The following CASZ1 variants were observed in gnomAD, a reference collection of about 807,000 sequenced individuals.
CASZ1 encodes the protein zinc finger protein castor homolog 1.
In CASZ1, 28 loss-of-function variants were observed where a neutral mutation model predicts 135.2. The ratio of observed to expected loss-of-function variants is 0.21; its 90% CI spans 0.15 to 0.28. The LOEUF is 0.28. CASZ1 is among the 10% of genes least tolerant of loss of function. The pLI is 1.00. For missense variants in CASZ1, 2,161 were observed against 2,453.3 expected (o/e 0.88, Z 2.52); for synonymous variants, 1,068 against 1,073.4 (o/e 0.99, Z 0.10).
chr1:10,771,450 A>C (rs1376643140), intron 1 of CASZ1, among the ~76,000 whole-genome samples: 1 of 152,084 alleles, frequency 6.6e-6, no homozygotes, highest in Non-Finnish European at 1.5e-5. Context: ...CTAGTCTATC[A>C]AACAATCAGC....
At position 10,711,485 on chromosome 1, in the gene CASZ1, G is replaced by A. The variant is rs1432869254; in HGVS notation, c.-76-5941C>T. ...ACATAGCAAGTGCTCAATAAATATG[G>A]CCTCTTATTAGTTTCCAGGGTCCCT... On this transcript the variant is annotated intron_variant, in intron 2 of 20. Coordinates refer to ENST00000377022, the MANE Select transcript of CASZ1 (RefSeq NM_001079843.3). This position sits in a 1 kb window ranked among gnomAD's most constrained non-coding sequence, Gnocchi z 4.4. Among the ~76,000 whole-genome samples the A allele has an allele frequency of 1.3e-5, 2 of 151,844 alleles. No individual in the cohort carries two copies. Among genetic ancestry groups the A allele is most frequent in the African/African-American group, 4.8e-5 (2 of 41,318 alleles).
intron 17 of CASZ1, among the ~76,000 whole-genome samples, chr1:10,645,905 G>A (rs529049211): frequency 2.6e-5 from 4 of 152,256 alleles, no homozygotes; most frequent in Non-Finnish European, 4.4e-5. Flanking sequence ...GTCACCACTC[G>A]GGGGTTAGAC....
At chr1:10,686,714 G>T (rs952353472) in intron 4 of CASZ1, among the ~76,000 whole-genome samples, 3 of 152,226 alleles carry the variant, frequency 2.0e-5, no homozygotes, top group Non-Finnish European at 4.4e-5. Context: ...TGGAAACGAG[G>T]AATAAACGGC....
At chr1:10,641,685 G>A (rs973417296) in intron 20 of CASZ1, among the ~76,000 whole-genome samples, 48 of 152,232 alleles carry the variant, frequency 3.2e-4, no homozygotes, top group Non-Finnish European at 4.6e-4. Flanking sequence ...GGACTCCTCA[G>A]AGTAGAAGGG....
chr1:10,732,320 CA>C (rs779997881), intron 2 of CASZ1, among the ~76,000 whole-genome samples: 1,006 of 65,554 alleles, frequency 0.015, 9 homozygotes, highest in African/African-American at 0.042. Context: ...GACTCCGTCT[CA>C]AAAAAAAAAA....
At chr1:10,778,141 G>T (rs956858696) in intron 1 of CASZ1, among the ~76,000 whole-genome samples, 4 of 150,072 alleles carry the variant, frequency 2.7e-5, no homozygotes, top group African/African-American at 9.8e-5. Context: ...TCAAACACAA[G>T]CACAATCTCA....
chr1:10,656,356 A>G (rs1642795559), intron 8 of CASZ1, among the ~76,000 whole-genome samples: 1 of 152,234 alleles, frequency 6.6e-6, no homozygotes, highest in Non-Finnish European at 1.5e-5. Flanking sequence ...GGCAAGGCTC[A>G]TAGGCTGGCT....
At position 10,739,807 on chromosome 1, in the gene CASZ1, C is replaced by G. The variant is rs74052183; in HGVS notation, c.-77+20894G>C. 0.033 allele frequency among the ~76,000 whole-genome samples: 4,982 copies of G among 152,270 alleles called. 292 individuals carry two copies. The highest frequency in any genetic ancestry group is 0.11 in the African/African-American group (4,687 of 41,534). On this transcript the variant is annotated intron_variant, in intron 2 of 20. Transcript: ENST00000377022. The surrounding 1 kb of genome is among the most constrained non-coding windows in gnomAD (Gnocchi z 4.8). ...TAGCACATGCCTTTTGCCACCTCCC[C>G]CACTGGTCCTGGCTCTTCCTTCCCC...
intron 1 of CASZ1, among the ~76,000 whole-genome samples, chr1:10,785,741 G>A (rs753323283): frequency 3.9e-5 from 6 of 152,360 alleles, no homozygotes; most frequent in African/African-American, 4.8e-5. Flanking sequence ...GAGGCTCTGC[G>A]ATGAGCTCAG....
intron 4 of CASZ1, among the ~76,000 whole-genome samples, chr1:10,685,810 C>T (rs1174171951): frequency 6.6e-6 from 1 of 152,234 alleles, no homozygotes; most frequent in Non-Finnish European, 1.5e-5. Context: ...ACCTCGAGGG[C>T]AGGGCAGAGG....
chr1:10,766,274 A>G (rs1452526432), intron 1 of CASZ1, among the ~76,000 whole-genome samples: 2 of 152,168 alleles, frequency 1.3e-5, no homozygotes, highest in African/African-American at 2.4e-5. Flanking sequence ...CACTGTGGTT[A>G]AGCACACAAA....
intron 11 of CASZ1, 174 bp downstream of exon 11, chr1:10,653,203 A>G: frequency 1.4e-6 from 1 of 723,510 alleles, no homozygotes; most frequent in Non-Finnish European, 2.4e-6. Flanking sequence ...CAGGGGCCCC[A>G]CATAGAAACC....
In CASZ1 at chr1:10,639,060, T is replaced by G. The variant is rs1297313930; in HGVS notation, c.5162A>C (p.Glu1721Ala). The part of the protein sequence containing the change: ...DDEDLRTDSE[E>A]SLPEAAAEAA... ...CTCCGCCGCCGCCTCGGGCAGCGAC[T>G]CCTCCGAGTCGGTGCGCAGGTCCTC... The change falls in exon 21 of 21, where the codon GAG (glutamate) becomes GCG (alanine). Residue 1721 changes from glutamate to alanine, a missense_variant. By Grantham distance (107) the Glu-to-Ala change is moderately radical. This residue lies in a region of CASZ1 where 185 missense variants were observed against 134.7 expected (regional missense o/e 1.37). Coordinates refer to ENST00000377022, the MANE Select transcript of CASZ1 (RefSeq NM_001079843.3). This position sits in a 1 kb window ranked among gnomAD's most constrained non-coding sequence, Gnocchi z 4.0. The G allele has an allele frequency of 6.4e-6, 7 of 1,090,144 alleles. No individual in the cohort carries two copies. The highest frequency in any genetic ancestry group is 5.2e-5 in the African/African-American group (3 of 58,072). 67.5% of individuals were successfully genotyped at this position (1,090,144 alleles called of 1,614,324 possible).
At chr1:10,733,531 C>G (rs1315046938) in intron 2 of CASZ1, among the ~76,000 whole-genome samples, 1 of 152,172 alleles carries the variant, frequency 6.6e-6, no homozygotes, top group African/African-American at 2.4e-5. Flanking sequence ...GCAAAAAGGG[C>G]TCCACCCTCA....
At chr1:10,790,788 A>G (rs917731835) in intron 1 of CASZ1, among the ~76,000 whole-genome samples, 1 of 151,870 alleles carries the variant, frequency 6.6e-6, no homozygotes, top group African/African-American at 2.4e-5. Flanking sequence ...TATGCCTGAC[A>G]TTTTAAAAAG....
At chr1:10,770,535 C>T (rs1262051975) in intron 1 of CASZ1, among the ~76,000 whole-genome samples, 1 of 152,102 alleles carries the variant, frequency 6.6e-6, no homozygotes, top group Non-Finnish European at 1.5e-5. Context: ...TGCTGGGGTC[C>T]CAGCCAACTG....
In CASZ1 at chr1:10,739,211, C is replaced by T. The variant is rs373143663; in HGVS notation, c.-77+21490G>A. 1.1e-4 allele frequency among the ~76,000 whole-genome samples: 16 copies of T among 152,214 alleles called. No individual in the cohort carries two copies. Among genetic ancestry groups the T allele is most frequent in the South Asian group, 8.3e-4 (4 of 4,824 alleles). On this transcript the variant is annotated intron_variant, in intron 2 of 20. Coordinates refer to ENST00000377022, the MANE Select transcript of CASZ1 (RefSeq NM_001079843.3). The surrounding 1 kb of genome is among the most constrained non-coding windows in gnomAD (Gnocchi z 4.8). ...GGCCAGTCCCCGGGCGTACAGCGTG[C>T]GGTGCAACCTGCAGCTGCGGGACGG... is the stretch of plus-strand genomic sequence containing the variant.
At chr1:10,743,346 A>G (rs1216635295) in intron 2 of CASZ1, among the ~76,000 whole-genome samples, 3 of 151,548 alleles carry the variant, frequency 2.0e-5, no homozygotes, top group Non-Finnish European at 4.4e-5. Context: ...CCACGGTCGG[A>G]GAAGGAGACT....
chr1:10,704,910 T>C (rs773410843), intron 3 of CASZ1, among the ~76,000 whole-genome samples: 2 of 152,244 alleles, frequency 1.3e-5, no homozygotes, highest in African/African-American at 4.8e-5. Flanking sequence ...ATGCTTGGAC[T>C]TCAGGGGAGC....
Sources: gnomAD v4.1 joint callset for allele counts (sites outside exome capture counted in the v4.1 genomes callset) on GRCh38, gnomAD v4.1.1 for gene constraint, gnomAD v4.1.1 regional missense constraint, Gnocchi (gnomAD v3.1) non-coding constraint, MANE v1.5 for transcripts, NCBI Gene and HGNC (gene_info 2026-07-23, HGNC 2026-07-21) for gene names.